The following EPDR1 variants were observed in gnomAD, a reference collection of about 807,000 sequenced individuals.
The protein encoded by EPDR1 is mammalian ependymin-related protein 1.
In EPDR1, 27 loss-of-function variants were observed where a neutral mutation model predicts 23.7. That is an observed-to-expected ratio of 1.14 (90% CI 0.84 to 1.57). EPDR1 has a LOEUF of 1.57. Ranked by LOEUF, EPDR1 falls within the 40% of genes most tolerant of loss-of-function variation. The probability of loss-of-function intolerance (pLI) is 0.00; values close to 1 mark genes in which losing one functional copy is unlikely to be tolerated. For missense variants in EPDR1, 349 were observed against 290.4 expected (o/e 1.20, Z -1.47); for synonymous variants, 137 against 118.2 (o/e 1.16, Z -1.03).
At chr7:37,936,320 A>G (rs1040523647) in intron 1 of EPDR1, among the ~76,000 whole-genome samples, 1 of 152,046 alleles carries the variant, frequency 6.6e-6, no homozygotes, top group Non-Finnish European at 1.5e-5. Flanking sequence ...TGGATTCAGT[A>G]GGAACTGATG....
chr7:37,922,672 G>GA (rs1554372872), intron 1 of EPDR1, among the ~76,000 whole-genome samples: 1 of 151,104 alleles, frequency 6.6e-6, no homozygotes, highest in African/African-American at 2.4e-5. Context: ...AGCTAGGGGG[G>GA]GGTTCTGACG....
chr7:37,924,785 T>G (rs1362777094), intron 1 of EPDR1, among the ~76,000 whole-genome samples: 1 of 151,960 alleles, frequency 6.6e-6, no homozygotes, highest in Non-Finnish European at 1.5e-5. Context: ...GTAGATTTGT[T>G]GGAACAAACT....
chr7:37,940,289 G>A (rs1166103807), intron 1 of EPDR1, among the ~76,000 whole-genome samples: 2 of 152,264 alleles, frequency 1.3e-5, no homozygotes, highest in East Asian at 3.9e-4. Context: ...TCTATAAGGA[G>A]CATGAGGAAT....
rs1220480599 is a variant in EPDR1 at position 37,951,708 on chromosome 7, G to A, written c.*1312G>A. ...ATTTACTATTCTAGATGCTTCTACT[G>A]TTATGTTTTATCTGCCCATTTATCT... On this transcript the variant is annotated 3_prime_UTR_variant, in exon 3 of 3. Transcript: ENST00000199448. 6.6e-6 allele frequency: 1 copy of A among 152,140 alleles called. No homozygotes were observed. The highest frequency in any genetic ancestry group is 2.4e-5 in the African/African-American group (1 of 41,426). 9.4% of individuals were successfully genotyped at this position (152,140 alleles called of 1,614,324 possible).
intron 1 of EPDR1, among the ~76,000 whole-genome samples, chr7:37,925,837 A>G (rs908852483): frequency 6.6e-6 from 1 of 152,246 alleles, no homozygotes; most frequent in African/African-American, 2.4e-5. Context: ...TTATTATATC[A>G]GGCTGATTCA....
In EPDR1 at chr7:37,948,946, G is replaced by A. The variant is rs758964087; in HGVS notation, c.376G>A (p.Asp126Asn). 4.5e-5 allele frequency: 73 copies of A among 1,613,970 alleles called. No homozygotes were observed. The Admixed American group carries it at 1.2e-3, about 26-fold the overall frequency. The change falls in exon 2 of 3, where the codon GAC becomes AAC. Residue 126 changes from aspartate (D) to asparagine (N), a missense_variant. By Grantham distance (23) the Asp-to-Asn change is conservative (BLOSUM62 1). Coordinates refer to ENST00000199448, the MANE Select transcript of EPDR1 (RefSeq NM_017549.5). ...CCTGACACAGCCCTGGGATCCTCTT[G>A]ACATTCCTCAAAACTCCACCTTTGA... The part of the protein sequence containing the change: ...MTLTQPWDPL[D>N]IPQNSTFEDQ...
chr7:37,940,875 T>C (rs1291661052), intron 1 of EPDR1, among the ~76,000 whole-genome samples: 2 of 152,118 alleles, frequency 1.3e-5, no homozygotes, highest in Non-Finnish European at 2.9e-5. Flanking sequence ...TGAGCCCATC[T>C]AGTGCCCTGA....
chr7:37,926,311 C>A (rs1204793806), intron 1 of EPDR1, among the ~76,000 whole-genome samples: 1 of 152,084 alleles, frequency 6.6e-6, no homozygotes, highest in Admixed American at 6.5e-5. Flanking sequence ...AACTGATATA[C>A]CCACGATCCC....
At chr7:37,950,175 A>T in intron 2 of EPDR1, 25 bp from the exon 3 acceptor site, 1 of 1,554,876 alleles carries the variant, frequency 6.4e-7, no homozygotes, top group Non-Finnish European at 8.8e-7. Context: ...TCTTTATTTA[A>T]AAGTCAACTT....
intron 1 of EPDR1, among the ~76,000 whole-genome samples, chr7:37,937,336 C>G (rs993610869): frequency 6.6e-6 from 1 of 152,038 alleles, no homozygotes; most frequent in Admixed American, 6.5e-5. Context: ...GAGTAGGAAG[C>G]TTTTTTTAAA....
chr7:37,939,659 A>T (rs537750876), intron 1 of EPDR1, among the ~76,000 whole-genome samples: 30 of 152,312 alleles, frequency 2.0e-4, no homozygotes, highest in African/African-American at 7.2e-4. Flanking sequence ...TAGTTTTTTC[A>T]TAATACACAT....
intron 1 of EPDR1, 56 bp downstream of exon 1, chr7:37,921,264 G>A: frequency 1.3e-6 from 2 of 1,527,406 alleles, no homozygotes; most frequent in Non-Finnish European, 1.7e-6. Flanking sequence ...CATGGGGAGG[G>A]CGAGGTCGCA....
chr7:37,928,430 G>A (rs1470449669), intron 1 of EPDR1, among the ~76,000 whole-genome samples: 1 of 150,964 alleles, frequency 6.6e-6, no homozygotes, highest in Non-Finnish European at 1.5e-5. Context: ...GATCTTACCA[G>A]CTGAAATCTC....
intron 1 of EPDR1, among the ~76,000 whole-genome samples, chr7:37,922,927 A>C (rs954707726): frequency 6.6e-6 from 1 of 152,184 alleles, no homozygotes; most frequent in Non-Finnish European, 1.5e-5. Context: ...GTGAGTTCCA[A>C]AACACCTGTA....
chr7:37,937,357 C>A (rs1211639088), intron 1 of EPDR1, among the ~76,000 whole-genome samples: 1 of 151,898 alleles, frequency 6.6e-6, no homozygotes, highest in Non-Finnish European at 1.5e-5. Context: ...TATGACAAAA[C>A]CCAGAAACAA....
chr7:37,924,674 G>T (rs1002601360), intron 1 of EPDR1, among the ~76,000 whole-genome samples: 1 of 152,222 alleles, frequency 6.6e-6, no homozygotes, highest in South Asian at 2.1e-4. Flanking sequence ...CTTTCTTTCC[G>T]AGTTCTTGGC....
chr7:37,932,582 G>GT (rs1785967144), intron 1 of EPDR1, among the ~76,000 whole-genome samples: 1 of 152,142 alleles, frequency 6.6e-6, no homozygotes, highest in Non-Finnish European at 1.5e-5. Flanking sequence ...AGCTGGAAGG[G>GT]TTTGCGTGAG....
At chr7:37,932,007 C>A (rs926790001) in intron 1 of EPDR1, among the ~76,000 whole-genome samples, 1 of 152,164 alleles carries the variant, frequency 6.6e-6, no homozygotes. Context: ...CGCGCCCGGT[C>A]GGGAACTTTC....
chr7:37,947,771 A>G (rs1786307296), intron 1 of EPDR1, among the ~76,000 whole-genome samples: 1 of 152,258 alleles, frequency 6.6e-6, no homozygotes, highest in South Asian at 2.1e-4. Flanking sequence ...TTCCCCCAAC[A>G]CCAAGATGTC....
Sources: gnomAD v4.1 joint callset for allele counts (sites outside exome capture counted in the v4.1 genomes callset) on GRCh38, gnomAD v4.1.1 for gene constraint, MANE v1.5 for transcripts, NCBI Gene and HGNC (gene_info 2026-07-23, HGNC 2026-07-21) for gene names.